The following BCAP29 variants were observed in gnomAD, a reference collection of about 807,000 sequenced individuals.
BCAP29 encodes the protein B cell receptor associated protein 29, also known as B-cell receptor-associated protein 29.
Under a neutral mutation model 31.8 loss-of-function variants are expected in BCAP29, and 34 were observed. The ratio of observed to expected loss-of-function variants is 1.07; its 90% CI spans 0.81 to 1.42. BCAP29 has a LOEUF of 1.42. BCAP29 is among the 40% of genes most tolerant of loss of function. BCAP29 has a pLI of 0.00. For missense variants in BCAP29, 314 were observed against 269.2 expected (o/e 1.17, Z -1.16); for synonymous variants, 104 against 91.3 (o/e 1.14, Z -0.79).
At chr7:107,599,326 AAT>A (rs1188707989) in intron 5 of BCAP29, among the ~76,000 whole-genome samples, 3 of 108,830 alleles carry the variant, frequency 2.8e-5, no homozygotes, top group South Asian at 3.1e-4. Context: ...TATATATATA[AAT>A]ATATATATGC....
intron 5 of BCAP29, among the ~76,000 whole-genome samples, chr7:107,596,910 C>T (rs1224802926): frequency 6.6e-6 from 1 of 152,070 alleles, no homozygotes; most frequent in Non-Finnish European, 1.5e-5. Context: ...ATTCCTTGAC[C>T]CTGCGTGATT....
At chr7:107,613,838 G>T in intron 7 of BCAP29, 1 of 780,910 alleles carries the variant, frequency 1.3e-6, no homozygotes, top group South Asian at 1.8e-5. Flanking sequence ...GACATATTAG[G>T]ACAAGACTTT....
chr7:107,619,644 T>A lies in BCAP29; in HGVS notation c.*1281T>A, dbSNP rs1290191353. ...GGAGACATTCAACAGGAGTATGAAA[T>A]GAGAGTTAGACCATATGGGCTGACA... On this transcript the variant is annotated 3_prime_UTR_variant, in exon 8 of 8. Coordinates refer to ENST00000005259, the MANE Select transcript of BCAP29 (RefSeq NM_018844.4). 1.3e-5 allele frequency: 2 copies of A among 152,052 alleles called. No individual in the cohort carries two copies. The highest frequency in any genetic ancestry group is 2.4e-5 in the African/African-American group (1 of 41,410). 9.4% of individuals were successfully genotyped at this position (152,052 alleles called of 1,614,324 possible). A position where few individuals can be genotyped will look rare whatever the true frequency, so the allele number is the denominator to read the frequency against.
intron 3 of BCAP29, among the ~76,000 whole-genome samples, chr7:107,590,594 G>A (rs1808537026): frequency 6.6e-6 from 1 of 152,168 alleles, no homozygotes; most frequent in Non-Finnish European, 1.5e-5. Flanking sequence ...GAGTTGGGCA[G>A]ATTGCTCAAG....
chr7:107,601,884 A>G (rs945442220), intron 6 of BCAP29, among the ~76,000 whole-genome samples: 5 of 152,182 alleles, frequency 3.3e-5, no homozygotes, highest in African/African-American at 1.2e-4. Context: ...TAAAAGATAG[A>G]CAAGAGTGTA....
At chr7:107,599,421 G>A (rs1164899565) in intron 5 of BCAP29, among the ~76,000 whole-genome samples, 8 of 144,508 alleles carry the variant, frequency 5.5e-5, no homozygotes, top group Non-Finnish European at 9.0e-5. Context: ...TCAAGAGGCT[G>A]AGATGGGAGG....
chr7:107,581,839 TC>T, intron 2 of BCAP29, among the ~76,000 whole-genome samples: 1 of 152,318 alleles, frequency 6.6e-6, no homozygotes, highest in Non-Finnish European at 1.5e-5. Flanking sequence ...GTAAGTTGTT[TC>T]TTACTAAAGA....
In BCAP29 at chr7:107,613,843, G is replaced by A; in HGVS notation, c.690+411G>A. On this transcript the variant is annotated intron_variant, in intron 7 of 7. Coordinates refer to ENST00000005259, the MANE Select transcript of BCAP29 (RefSeq NM_018844.4). Reference sequence around the variant, plus strand: ...CAGTGTTTTAGACATATTAGGACAAGACTTTAGCATTCAAATTTATCATTT... The same window carrying A: ...CAGTGTTTTAGACATATTAGGACAAAACTTTAGCATTCAAATTTATCATTT... 5.5e-6 allele frequency: 4 copies of A among 724,744 alleles called. No homozygotes were observed. In the Admixed American group the frequency reaches 1.1e-4, roughly 20 times the overall value. The allele number at this position is 724,744 out of a possible 1,614,324, so 44.9% of individuals were successfully genotyped here.
chr7:107,594,533 G>A (rs1187024539), intron 4 of BCAP29, among the ~76,000 whole-genome samples: 2 of 151,402 alleles, frequency 1.3e-5, no homozygotes, highest in Non-Finnish European at 2.9e-5. Context: ...ATGGAGTCTC[G>A]CTTTGTCGCC....
Sources: allele counts gnomAD v4.1 joint callset (sites outside exome capture counted in the v4.1 genomes callset), GRCh38; gene constraint gnomAD v4.1.1; transcripts MANE v1.5; gene names NCBI Gene and HGNC (gene_info 2026-07-23, HGNC 2026-07-21).